The following MGAT1 variants were observed in gnomAD, a reference collection of about 807,000 sequenced individuals.
MGAT1 encodes N-glycosyl-oligosaccharide-glycoprotein N-acetylglucosaminyltransferase I.
Under a neutral mutation model 31.7 loss-of-function variants are expected in MGAT1, and 14 were observed. The observed-to-expected ratio is 0.44, with a 90% CI of 0.29 to 0.69. The LOEUF (loss-of-function observed/expected upper bound fraction) is 0.69, where lower values mean the gene tolerates loss of function less well. Ranked by LOEUF, MGAT1 falls within the 30% of genes least tolerant of loss-of-function variation. The pLI is 0.12. For synonymous variants in MGAT1, 338 were observed against 276.0 expected (o/e 1.22, Z -2.23); for missense variants, 557 against 626.0 (o/e 0.89, Z 1.18).
rs1768348202 is a variant in MGAT1 at position 180,792,381 on chromosome 5, G to T, written c.591C>A (p.Phe197Leu). Residue 197 changes from phenylalanine to leucine, a missense_variant, in exon 2 of 2, where the codon TTC (phenylalanine) becomes TTA (leucine). Coordinates refer to ENST00000307826, the MANE Select transcript of MGAT1 (RefSeq NM_002406.4). Reference protein sequence around the residue: ...RHYRWALGQVFRQFRFPAAVV... With the variant: ...RHYRWALGQVLRQFRFPAAVV... ...CGGCCGCGGGGAAGCGAAACTGCCG[G>T]AAGACCTGGCCCAGCGCCCAGCGGT... The T allele has an allele frequency of 1.2e-6, 2 of 1,610,958 alleles. No homozygotes were observed. The highest frequency in any genetic ancestry group is 8.5e-7 in the Non-Finnish European group (1 of 1,178,208).
At chr5:180,803,486 C>T (rs3806864), upstream of MGAT1, 18,965 of 152,362 alleles carry the variant, frequency 0.12, 1,254 homozygotes, top group East Asian at 0.24. Context: ...AAGCCTAGAA[C>T]GGGTCTGCGC....
chr5:180,792,486 G>A lies in MGAT1; in HGVS notation c.486C>T (p.Ile162=). The part of the protein sequence containing the change: ...IASYGSAVTH[I]RQPDLSSIAV... ...CAATGCTGCTCAGGTCGGGCTGCCG[G>A]ATGTGCGTGACCGCGCTGCCGTAGG... Residue 162 remains isoleucine, a synonymous_variant, in exon 2 of 2, where the codon ATC becomes ATT. Coordinates refer to ENST00000307826, the MANE Select transcript of MGAT1 (RefSeq NM_002406.4). The A allele has an allele frequency of 6.2e-7, 1 of 1,612,838 alleles. No homozygotes were observed. Among genetic ancestry groups the A allele is most frequent in the Non-Finnish European group, 8.5e-7 (1 of 1,179,856 alleles).
At chr5:180,804,450 A>C (rs1276642662), upstream of MGAT1, among the ~76,000 whole-genome samples, 2 of 152,214 alleles carry the variant, frequency 1.3e-5, no homozygotes, top group African/African-American at 4.8e-5. Flanking sequence ...GGGCAGGCCC[A>C]CCGAGGCCGC....
At position 180,814,864 on chromosome 5, in the gene MGAT1, C is replaced by CG. The variant is rs1468216949; in HGVS notation, c.-546+549dup. Among the ~76,000 whole-genome samples, 9 of 150,838 alleles carry CG rather than the reference C, an allele frequency of 6.0e-5. No individual in the cohort carries two copies. The East Asian group carries it at 9.7e-4, about 16-fold the overall frequency. Reference sequence around the variant, plus strand: ...CTGAGGCAGGAGAATCGCTTGAACCCGGGGGGGCGGTGGTTGCAGTGAGCT... The same window carrying CG: ...CTGAGGCAGGAGAATCGCTTGAACCCGGGGGGGGCGGTGGTTGCAGTGAGCT... On this transcript the variant is annotated intron_variant, in intron 1 of 2. Transcript: ENST00000333055.
At chr5:180,807,449 A>G (rs1340158005), upstream of MGAT1, among the ~76,000 whole-genome samples, 1 of 152,226 alleles carries the variant, frequency 6.6e-6, no homozygotes, top group Admixed American at 6.5e-5. Flanking sequence ...GGCTGCTTTT[A>G]TAGGGAATAC....
chr5:180,788,295 G>T lies in MGAT1; in HGVS notation c.*3339C>A, dbSNP rs894272896. ...AACCCAGTCTTTCGTCTTGTAAGGG[G>T]GTCCTCTGGCACCGCAGGCCCCAAA... On this transcript the variant is annotated 3_prime_UTR_variant, in exon 2 of 2. Transcript: ENST00000307826. 6.6e-6 allele frequency: 1 copy of T among 152,102 alleles called. No homozygotes were observed. The highest frequency in any genetic ancestry group is 2.4e-5 in the African/African-American group (1 of 41,216). The allele number at this position is 152,102 out of a possible 1,614,324, so 9.4% of individuals were successfully genotyped here. A position where few individuals can be genotyped will look rare whatever the true frequency, so the allele number is the denominator to read the frequency against.
At position 180,791,943 on chromosome 5, in the gene MGAT1, C is replaced by A; in HGVS notation, c.1029G>T (p.Gln343His). The change falls in exon 2 of 2, where the codon CAG becomes CAT. Residue 343 changes from glutamine to histidine, a missense_variant. Around this residue, in one of 3 missense-constraint regions of MGAT1, gnomAD observed 145 missense variants for 143.2 expected, o/e 1.01. Transcript: ENST00000307826. ...CCCGCTGCAGGTAAGACAGGTCCAG[C>A]TGGGTGAAGTGCACAAACTGCTGGT... ...KLNQQFVHFT[Q>H]LDLSYLQREA... 1 of 1,614,196 alleles carries A rather than the reference C, an allele frequency of 6.2e-7. No individual in the cohort carries two copies. The highest frequency in any genetic ancestry group is 8.5e-7 in the Non-Finnish European group (1 of 1,180,054).
upstream of MGAT1, among the ~76,000 whole-genome samples, chr5:180,805,762 T>G (rs1029439499): frequency 1.3e-5 from 2 of 150,852 alleles, no homozygotes; most frequent in Non-Finnish European, 3.0e-5. Context: ...AAAAAAAAAG[T>G]AAAAGCAAAT....
At position 180,791,693 on chromosome 5, in the gene MGAT1, G is replaced by A. The variant is rs765710174; in HGVS notation, c.1279C>T (p.Arg427Cys). The part of the protein sequence containing the change: ...RGIVTFQFRG[R>C]RVHLAPPLTW... ...AGTGGGGGCGCCAGGTGGACACGGCGGCCCCGGAACTGGAAGGTGACAATA... is the reference window on the plus strand; with the variant it reads ...AGTGGGGGCGCCAGGTGGACACGGCAGCCCCGGAACTGGAAGGTGACAATA... Residue 427 changes from arginine to cysteine, a missense_variant, in exon 2 of 2, where the codon CGC (arginine) becomes TGC (cysteine). Physicochemically the swap from Arg to Cys is radical, Grantham distance 180. Coordinates refer to ENST00000307826, the MANE Select transcript of MGAT1 (RefSeq NM_002406.4). 25 of 1,613,846 alleles carry A rather than the reference G, an allele frequency of 1.5e-5. No homozygotes were observed. Among genetic ancestry groups the A allele is most frequent in the South Asian group, 5.5e-5 (5 of 91,082 alleles).
intron 1 of MGAT1, among the ~76,000 whole-genome samples, chr5:180,797,744 C>G (rs1210352767): frequency 3.4e-5 from 4 of 117,778 alleles, no homozygotes; most frequent in Non-Finnish European, 7.4e-5. Context: ...CCACCTTAAT[C>G]AATCCCTGGG....
Position 180,792,129 on chromosome 5 carries a change from G to C in MGAT1, c.843C>G (p.Pro281=), listed in dbSNP as rs766361416. The C allele has an allele frequency of 1.2e-6, 2 of 1,613,052 alleles. No individual in the cohort carries two copies. Among genetic ancestry groups the C allele is most frequent in the African/African-American group, 2.7e-5 (2 of 74,932 alleles). ...CGTCCCAGAAGGCCTTTGGCCACTTGGGCTCCAGCTCAGCCCAGAGCTCGG... is the reference window on the plus strand; with the variant it reads ...CGTCCCAGAAGGCCTTTGGCCACTTCGGCTCCAGCTCAGCCCAGAGCTCGG... ...LLAELWAELE[P]KWPKAFWDDW... is the part of the protein sequence containing the mutation. The change falls in exon 2 of 2, where the codon CCC becomes CCG. Residue 281 remains proline (P), a synonymous_variant. Transcript: ENST00000307826.
chr5:180,806,143 G>T (rs1000218119), upstream of MGAT1, among the ~76,000 whole-genome samples: 4 of 152,026 alleles, frequency 2.6e-5, no homozygotes, highest in South Asian at 4.2e-4. Flanking sequence ...AAAATTAGCC[G>T]GGCGTGGTGG....
At chr5:180,815,098 C>T (rs747084276) in intron 1 of MGAT1, among the ~76,000 whole-genome samples, 6 of 152,150 alleles carry the variant, frequency 3.9e-5, no homozygotes, top group Non-Finnish European at 7.4e-5. Flanking sequence ...GAACTCTCTG[C>T]AGAGTCCTGA....
At chr5:180,812,591 T>G (rs1479105867) in intron 1 of MGAT1, among the ~76,000 whole-genome samples, 1 of 152,004 alleles carries the variant, frequency 6.6e-6, no homozygotes, top group Non-Finnish European at 1.5e-5. Flanking sequence ...CACACATACA[T>G]AACAGGTACA....
chr5:180,811,370 T>TA (rs1772553096), intron 1 of MGAT1: 1 of 152,342 alleles, frequency 6.6e-6, no homozygotes, highest in South Asian at 2.1e-4. Flanking sequence ...GAAAAATACA[T>TA]ATTGCTTAAT....
chr5:180,805,074 G>A (rs536727757), upstream of MGAT1, among the ~76,000 whole-genome samples: 18 of 152,272 alleles, frequency 1.2e-4, no homozygotes, highest in South Asian at 6.2e-4. Context: ...ACTGACCTGG[G>A]GAAAAGAGGC....
At chr5:180,813,264 C>A (rs541859067) in intron 1 of MGAT1, among the ~76,000 whole-genome samples, 1 of 152,240 alleles carries the variant, frequency 6.6e-6, no homozygotes, top group African/African-American at 2.4e-5. Context: ...TATGATAGAA[C>A]GATGGTTTTG....
chr5:180,792,784 A>G lies in MGAT1; in HGVS notation c.188T>C (p.Val63Ala), dbSNP rs1581804919. Residue 63 changes from valine (V) to alanine (A), a missense_variant, in exon 2 of 2, where the codon GTG (valine) becomes GCG (alanine). Transcript: ENST00000307826. ...CAGCCCACGCTGCCGCTCCAGCTCC[A>G]CCTCGGCGTCTTGGGCCAGGCGAAT... Reference protein sequence around the residue: ...EVIRLAQDAEVELERQRGLLQ... With the variant: ...EVIRLAQDAEAELERQRGLLQ... 6.4e-7 allele frequency: 1 copy of G among 1,551,072 alleles called. No individual in the cohort carries two copies. The highest frequency in any genetic ancestry group is 2.4e-5 in the East Asian group (1 of 41,224).
chr5:180,804,516 C>T (rs1050084628), upstream of MGAT1, among the ~76,000 whole-genome samples: 1 of 152,236 alleles, frequency 6.6e-6, no homozygotes, highest in African/African-American at 2.4e-5. Context: ...GCTGACTGCG[C>T]GCACTGTGGC....
Sources: gnomAD v4.1 joint callset for allele counts (sites outside exome capture counted in the v4.1 genomes callset) on GRCh38, gnomAD v4.1.1 for gene constraint, gnomAD v4.1.1 regional missense constraint, MANE v1.5 for transcripts, NCBI Gene and HGNC (gene_info 2026-07-23, HGNC 2026-07-21) for gene names.